The following LYPD1 variants were observed in gnomAD, a reference collection of about 807,000 sequenced individuals.
LYPD1 encodes the protein ly6/PLAUR domain-containing protein 1.
LYPD1 carries 14 observed loss-of-function variants against 14.2 expected under a neutral mutation model. That is an observed-to-expected ratio of 0.99 (90% confidence interval 0.65 to 1.54). LYPD1 has a LOEUF of 1.54. Among genes scored for constraint, LYPD1 ranks in the 40% most tolerant of loss-of-function variants. The pLI is 0.00. For synonymous variants in LYPD1, 85 were observed against 70.6 expected, an observed-to-expected ratio of 1.20 and a Z score of -1.02; for missense variants, 165 against 175.7, an observed-to-expected ratio of 0.94 and a Z score of 0.34.
chr2:132,661,180 G>A (rs759485431), intron 2 of LYPD1, among the ~76,000 whole-genome samples: 6 of 152,148 alleles, frequency 3.9e-5, no homozygotes, highest in Non-Finnish European at 5.9e-5. Flanking sequence ...ACCAACAGGG[G>A]CCTCAGGAAT....
chr2:132,646,613 C>A (rs190093227), intron 2 of LYPD1: 34 of 216,408 alleles, frequency 1.6e-4, no homozygotes, highest in African/African-American at 7.2e-4. Flanking sequence ...TTTTTATTTA[C>A]TTTGTTTTTG....
At chr2:132,659,119 C>G (rs1682776068) in intron 2 of LYPD1, among the ~76,000 whole-genome samples, 1 of 152,184 alleles carries the variant, frequency 6.6e-6, no homozygotes. Flanking sequence ...TCAGCTATTT[C>G]TAGTTTAACT....
chr2:132,656,189 C>CT (rs769733757), intron 2 of LYPD1, among the ~76,000 whole-genome samples: 154 of 152,250 alleles, frequency 1.0e-3, no homozygotes, highest in Non-Finnish European at 1.8e-3. Flanking sequence ...TGCCTCTGCT[C>CT]TTTTTTGCTG....
chr2:132,668,652 C>T, intron 1 of LYPD1, 115 bp from the exon 2 acceptor site: 12 of 1,427,624 alleles, frequency 8.4e-6, no homozygotes, highest in Non-Finnish European at 1.0e-5. Context: ...AGGCTTAGAC[C>T]ACTCCTGGGT....
chr2:132,649,538 C>T (rs1025372085), intron 2 of LYPD1, among the ~76,000 whole-genome samples: 1 of 152,122 alleles, frequency 6.6e-6, no homozygotes, highest in African/African-American at 2.4e-5. Context: ...GAGAGCTGCC[C>T]TGTAAGGAAC....
At position 132,669,756 on chromosome 2, in the gene LYPD1, C is replaced by G; in HGVS notation, c.52+125G>C. The G allele has an allele frequency of 1.4e-6, 2 of 1,468,122 alleles. No homozygotes were observed. Among genetic ancestry groups the G allele is most frequent in the Non-Finnish European group, 1.8e-6 (2 of 1,116,972 alleles). 90.9% of individuals were successfully genotyped at this position (1,468,122 alleles called of 1,614,324 possible). On this transcript the variant is annotated intron_variant, in intron 1 of 2. Coordinates refer to ENST00000397463, the MANE Select transcript of LYPD1 (RefSeq NM_144586.7). The surrounding 1 kb of genome is among the most constrained non-coding windows in gnomAD (Gnocchi z 4.3). ...GCCCCGGGGCACCAGTCGCGGCCGC[C>G]AACTCCCGCTGGGCAGCCCCAGCGC... is the stretch of plus-strand genomic sequence containing the variant.
chr2:132,663,862 A>C (rs2104922601), intron 2 of LYPD1, among the ~76,000 whole-genome samples: 1 of 152,300 alleles, frequency 6.6e-6, no homozygotes, highest in South Asian at 2.1e-4. Flanking sequence ...AATAAAATAA[A>C]AAAATCTTAG....
At position 132,645,335 on chromosome 2, in the gene LYPD1, C is replaced by A. The variant is rs761449400; in HGVS notation, c.*710G>T. On this transcript the variant is annotated 3_prime_UTR_variant, in exon 3 of 3. Transcript: ENST00000397463. ...GTGCAGGTGCTGTGCTGCCGCCTGT[C>A]GCTGCAGCACGCCAACCACGAGAAG... 4.4e-5 allele frequency: 71 copies of A among 1,614,052 alleles called. No individual in the cohort carries two copies. The South Asian group carries it at 6.5e-4, about 15-fold the overall frequency.
intron 2 of LYPD1, among the ~76,000 whole-genome samples, chr2:132,652,521 C>G (rs1256018305): frequency 6.6e-6 from 1 of 152,064 alleles, no homozygotes; most frequent in Non-Finnish European, 1.5e-5. Flanking sequence ...AGATGCAGAC[C>G]CAGAGCTAGA....
intron 2 of LYPD1, 171 bp from the exon 3 acceptor site, chr2:132,646,451 T>TGAAAGA: frequency 2.4e-6 from 1 of 416,468 alleles, no homozygotes; most frequent in Non-Finnish European, 4.2e-6. Flanking sequence ...AGATAGATGG[T>TGAAAGA]GAAAGAGACA....
intron 2 of LYPD1, among the ~76,000 whole-genome samples, chr2:132,649,954 A>G (rs1682291184): frequency 6.6e-6 from 1 of 152,130 alleles, no homozygotes. Context: ...AAAATATTGA[A>G]AAATTAGACT....
At position 132,670,110 on chromosome 2, in the gene LYPD1, C is replaced by A. The variant is rs1040763779; in HGVS notation, c.-178G>T. ...GGTGCCGCTCGCGGAGCCTGCATCG[C>A]CCGCGCTCGGGCTCCCGGCTGCGGG... On this transcript the variant is annotated 5_prime_UTR_variant, in exon 1 of 3. Transcript: ENST00000397463. This position sits in a 1 kb window ranked among gnomAD's most constrained non-coding sequence, Gnocchi z 4.5. 2 of 1,430,650 alleles carry A rather than the reference C, an allele frequency of 1.4e-6. No homozygotes were observed. The highest frequency in any genetic ancestry group is 2.8e-5 in the Admixed American group (1 of 35,398). 88.6% of individuals were successfully genotyped at this position (1,430,650 alleles called of 1,614,324 possible).
At chr2:132,661,902 C>CA (rs899985890) in intron 2 of LYPD1, among the ~76,000 whole-genome samples, 4 of 114,708 alleles carry the variant, frequency 3.5e-5, no homozygotes, top group East Asian at 5.1e-4. Context: ...GTTAAAAATA[C>CA]AAAAAAAGCG....
rs1681914289 is a variant in LYPD1, at chr2:132,643,669, A to G, written c.*2376T>C. 6.6e-6 allele frequency among the ~76,000 whole-genome samples: 1 copy of G among 152,170 alleles called. No individual in the cohort carries two copies. The highest frequency in any genetic ancestry group is 2.1e-4 in the South Asian group (1 of 4,832). ...TATCTGAGACCACAGGTGTGTATGT[A>G]CCACCATGCCTGGCTAAGTTTTTCT... On this transcript the variant is annotated 3_prime_UTR_variant, in exon 3 of 3. Coordinates refer to ENST00000397463, the MANE Select transcript of LYPD1 (RefSeq NM_144586.7).
chr2:132,646,208 CAGA>C lies in LYPD1; in HGVS notation c.260_262del (p.Phe87del), dbSNP rs1349478309. ...AACTGAGTTCAGTTTCCCTGGGGAGCAGAAGGACTGGTACCCGGCAGAGGCGAT... is the reference window on the plus strand; with the variant it reads ...AACTGAGTTCAGTTTCCCTGGGGAGCAGGACTGGTACCCGGCAGAGGCGAT... On this transcript the variant is annotated inframe_deletion, in exon 3 of 3. Transcript: ENST00000397463. 3.1e-6 allele frequency: 5 copies of C among 1,605,578 alleles called. No individual in the cohort carries two copies. The highest frequency in any genetic ancestry group is 2.2e-5 in the East Asian group (1 of 44,516).
At chr2:132,650,285 G>A (rs1682305840) in intron 2 of LYPD1, among the ~76,000 whole-genome samples, 1 of 152,114 alleles carries the variant, frequency 6.6e-6, no homozygotes, top group Non-Finnish European at 1.5e-5. Context: ...TTATCACTTG[G>A]GCAGAGATTT....
chr2:132,656,282 A>T (rs1418060229), intron 2 of LYPD1, among the ~76,000 whole-genome samples: 1 of 152,218 alleles, frequency 6.6e-6, no homozygotes, highest in Non-Finnish European at 1.5e-5. Context: ...TTAAAGACGA[A>T]CTTTTCCAGC....
intron 2 of LYPD1, among the ~76,000 whole-genome samples, chr2:132,657,224 G>T (rs1373366982): frequency 6.6e-6 from 1 of 152,170 alleles, no homozygotes; most frequent in Non-Finnish European, 1.5e-5. Flanking sequence ...TCTTGCATTA[G>T]ACTTGGATTT....
At chr2:132,660,087 G>T (rs1204533878) in intron 2 of LYPD1, among the ~76,000 whole-genome samples, 1 of 152,238 alleles carries the variant, frequency 6.6e-6, no homozygotes, top group Non-Finnish European at 1.5e-5. Context: ...CCCGCCTCTA[G>T]CACTGTCTCC....
Sources: gnomAD v4.1 joint callset for allele counts (sites outside exome capture counted in the v4.1 genomes callset) on GRCh38, gnomAD v4.1.1 for gene constraint, Gnocchi (gnomAD v3.1) non-coding constraint, MANE v1.5 for transcripts, NCBI Gene and HGNC (gene_info 2026-07-23, HGNC 2026-07-21) for gene names.